CSNK1A1: variants seen among roughly 807,000 people sequenced by gnomAD.
CSNK1A1 encodes the protein casein kinase I isoform alpha.
A neutral mutation model predicts 46.1 loss-of-function variants in CSNK1A1; 7 were observed. The ratio of observed to expected loss-of-function variants is 0.15; its 90% confidence interval spans 0.09 to 0.29. The LOEUF is 0.29. Among genes scored for constraint, CSNK1A1 ranks in the 10% least tolerant of loss-of-function variants. The probability of loss-of-function intolerance (pLI) is 1.00; values close to 1 mark genes in which losing one functional copy is unlikely to be tolerated. For synonymous variants in CSNK1A1, 137 were observed against 141.5 expected (o/e 0.97, Z 0.23); for missense variants, 96 against 417.1 (o/e 0.23, Z 6.71).
At chr5:149,547,124 G>A (rs929074354) in intron 2 of CSNK1A1, among the ~76,000 whole-genome samples, 7 of 152,042 alleles carry the variant, frequency 4.6e-5, no homozygotes, top group African/African-American at 1.7e-4. Flanking sequence ...CTCTATTCTT[G>A]GATGCCTTAC....
intron 2 of CSNK1A1, among the ~76,000 whole-genome samples, chr5:149,544,764 T>TATATATATATAG: frequency 8.5e-6 from 1 of 118,166 alleles, no homozygotes. Flanking sequence ...TATATATATA[T>TATATATATATAG]AGTTATTGAC....
Position 149,493,308 on chromosome 5 carries a change from G to C in CSNK1A1, c.*3545C>G, listed in dbSNP as rs370113781. The stretch of plus-strand genomic sequence containing the variant: ...CTGGTCTTGAACTCCTGCCCACTTC[G>C]GCCTCCCAAAGTGCTGGAATCACAG... On this transcript the variant is annotated 3_prime_UTR_variant, in exon 10 of 10. Coordinates refer to ENST00000377843, the MANE Select transcript of CSNK1A1 (RefSeq NM_001892.6). The C allele has an allele frequency of 3.3e-5, 5 of 151,088 alleles. No homozygotes were observed. In the East Asian group the frequency reaches 9.8e-4, roughly 30 times the overall value. 9.4% of individuals were successfully genotyped at this position (151,088 alleles called of 1,614,324 possible). A position where few individuals can be genotyped will look rare whatever the true frequency, so the allele number is the denominator to read the frequency against.
intron 4 of CSNK1A1, among the ~76,000 whole-genome samples, chr5:149,516,334 A>G (rs1761402070): frequency 2.3e-5 from 2 of 88,876 alleles, no homozygotes; most frequent in East Asian, 5.1e-3. Flanking sequence ...AAAACAAAAC[A>G]AAAAAACCCC....
At chr5:149,537,369 C>A (rs1762091301) in intron 2 of CSNK1A1, among the ~76,000 whole-genome samples, 1 of 152,110 alleles carries the variant, frequency 6.6e-6, no homozygotes, top group Non-Finnish European at 1.5e-5. Context: ...GAGTGAGACT[C>A]CATCTCTAGT....
At chr5:149,520,495 G>A (rs1414204815) in intron 3 of CSNK1A1, 107 bp from the exon 4 acceptor site, 17 of 637,644 alleles carry the variant, frequency 2.7e-5, no homozygotes, top group Middle Eastern at 2.6e-4. Flanking sequence ...CAAAGACAGC[G>A]CTAAAGAAAA....
intron 4 of CSNK1A1, among the ~76,000 whole-genome samples, chr5:149,515,580 T>G (rs552255377): frequency 6.6e-6 from 1 of 152,272 alleles, no homozygotes; most frequent in South Asian, 2.1e-4. Context: ...ATGTTAGTAC[T>G]GAACAAAGAT....
chr5:149,545,787 T>G, intron 2 of CSNK1A1: 2 of 579,590 alleles, frequency 3.5e-6, no homozygotes, highest in Non-Finnish European at 6.4e-6. Context: ...GTGTGGTTCG[T>G]GGACTTGGCC....
intron 9 of CSNK1A1, chr5:149,503,890 C>G: frequency 1.0e-6 from 1 of 985,358 alleles, no homozygotes; most frequent in East Asian, 1.1e-4. Context: ...TGTGATGATC[C>G]TATTATCCCA....
Position 149,550,996 on chromosome 5 carries a change from G to A in CSNK1A1, c.-32C>T, listed in dbSNP as rs1232844222. The A allele has an allele frequency of 1.9e-6, 3 of 1,612,974 alleles. No individual in the cohort carries two copies. The highest frequency in any genetic ancestry group is 2.5e-6 in the Non-Finnish European group (3 of 1,179,738). ...AGACGAAGATGGAGGCTGGGGCCAA[G>A]CCCCGACACCTCTGGGAAGAGGACG... On this transcript the variant is annotated 5_prime_UTR_variant, in exon 1 of 10. Transcript: ENST00000377843. The surrounding 1 kb of genome is among the most constrained non-coding windows in gnomAD (Gnocchi z 4.3).
chr5:149,537,477 C>G (rs1334585243), intron 2 of CSNK1A1, among the ~76,000 whole-genome samples: 1 of 152,114 alleles, frequency 6.6e-6, no homozygotes, highest in African/African-American at 2.4e-5. Flanking sequence ...GCAAAATTCA[C>G]TAACTACCCT....
intron 2 of CSNK1A1, among the ~76,000 whole-genome samples, chr5:149,535,511 T>C (rs1405082886): frequency 6.6e-6 from 1 of 152,208 alleles, no homozygotes; most frequent in East Asian, 1.9e-4. Flanking sequence ...TCAAGTGACT[T>C]ACCTCCACTC....
At chr5:149,507,193 T>C (rs1761059774) in intron 7 of CSNK1A1, 60 bp from the exon 8 acceptor site, 3 of 1,292,096 alleles carry the variant, frequency 2.3e-6, no homozygotes, top group Non-Finnish European at 3.3e-6. Flanking sequence ...GAAAAATAAA[T>C]GCATTTAAGT....
Position 149,542,693 on chromosome 5 carries a change from T to TA in CSNK1A1, c.230+7381_230+7382insT, listed in dbSNP as rs1491456740. On this transcript the variant is annotated intron_variant, in intron 2 of 9. Transcript: ENST00000377843. ...ATATGTATATATATATATATATATA[T>TA]TTTTTTTTTTTTTTTTTTTTGAGAC... Among the ~76,000 whole-genome samples the TA allele has an allele frequency of 2.1e-3, 21 of 10,080 alleles. 2 individuals are homozygous for TA. Among genetic ancestry groups the TA allele is most frequent in the African/African-American group, 4.2e-3 (11 of 2,628 alleles). 6.6% of individuals were successfully genotyped at this position (10,080 alleles called of 152,430 possible).
chr5:149,499,484 A>C (rs1580814948), intron 9 of CSNK1A1, among the ~76,000 whole-genome samples: 1 of 152,232 alleles, frequency 6.6e-6, no homozygotes, highest in Admixed American at 6.5e-5. Flanking sequence ...GCTCTGGCCC[A>C]GACGAGGTGG....
chr5:149,545,188 T>C (rs1037523654), intron 2 of CSNK1A1, among the ~76,000 whole-genome samples: 14 of 152,006 alleles, frequency 9.2e-5, no homozygotes, highest in African/African-American at 3.4e-4. Flanking sequence ...ACCCCAGCAC[T>C]GTTCAAGGGT....
At chr5:149,533,068 G>C (rs1312776943) in intron 2 of CSNK1A1, among the ~76,000 whole-genome samples, 1 of 151,942 alleles carries the variant, frequency 6.6e-6, no homozygotes, top group East Asian at 1.9e-4. Flanking sequence ...CAAGATCCTT[G>C]AATTACCGTA....
At position 149,496,461 on chromosome 5, in the gene CSNK1A1, T is replaced by C. The variant is rs1485372603; in HGVS notation, c.*392A>G. On this transcript the variant is annotated 3_prime_UTR_variant, in exon 10 of 10. Transcript: ENST00000377843. ...AACCATCACAACTGTGGCTGAAGAC[T>C]GTTCATGCCGTTCTTCTGAAATGAG... 1 of 187,454 alleles carries C rather than the reference T, an allele frequency of 5.3e-6. No individual in the cohort carries two copies. Among genetic ancestry groups the C allele is most frequent in the African/African-American group, 2.3e-5 (1 of 42,658 alleles). The allele number at this position is 187,454 out of a possible 1,614,324, so 11.6% of individuals were successfully genotyped here. A position where few individuals can be genotyped will look rare whatever the true frequency, so the allele number is the denominator to read the frequency against.
chr5:149,514,854 AATT>A (rs1222281280), intron 4 of CSNK1A1, among the ~76,000 whole-genome samples: 7 of 152,210 alleles, frequency 4.6e-5, no homozygotes, highest in Non-Finnish European at 8.8e-5. Flanking sequence ...ATGAAGATTA[AATT>A]ATTAGTAAAT....
intron 6 of CSNK1A1, among the ~76,000 whole-genome samples, chr5:149,511,234 G>C (rs1240510391): frequency 1.3e-5 from 2 of 152,164 alleles, no homozygotes; most frequent in South Asian, 2.1e-4. Flanking sequence ...AGGAGGCTGA[G>C]ATAGGAGGAC....
Sources: gnomAD v4.1 joint callset for allele counts (sites outside exome capture counted in the v4.1 genomes callset) on GRCh38, gnomAD v4.1.1 for gene constraint, Gnocchi (gnomAD v3.1) non-coding constraint, MANE v1.5 for transcripts, NCBI Gene and HGNC (gene_info 2026-07-23, HGNC 2026-07-21) for gene names.